PLEKHM3: variants seen among roughly 807,000 people sequenced by gnomAD.
PLEKHM3 encodes the protein pleckstrin homology domain-containing family M member 3.
In PLEKHM3, 45 loss-of-function variants were observed where a neutral mutation model predicts 81.8. That is an observed-to-expected ratio of 0.55 (90% CI 0.43 to 0.71). PLEKHM3 has a LOEUF of 0.71. Ranked by LOEUF, PLEKHM3 falls within the 30% of genes least tolerant of loss-of-function variation. The pLI is 0.00. For missense variants in PLEKHM3, 788 were observed against 924.3 expected (o/e 0.85, Z 1.91); for synonymous variants, 352 against 356.4 (o/e 0.99, Z 0.14).
intron 6 of PLEKHM3, among the ~76,000 whole-genome samples, chr2:207,874,297 G>T (rs547837089): frequency 1.3e-5 from 2 of 152,080 alleles, no homozygotes; most frequent in African/African-American, 2.4e-5. Flanking sequence ...TTTTCAGGCC[G>T]GGCATGGTGG....
At chr2:207,927,312 T>G (rs1675135949) in intron 5 of PLEKHM3, among the ~76,000 whole-genome samples, 1 of 152,114 alleles carries the variant, frequency 6.6e-6, no homozygotes, top group Non-Finnish European at 1.5e-5. Context: ...TTTTAAGAAG[T>G]CAGATTCAGC....
intron 2 of PLEKHM3, among the ~76,000 whole-genome samples, chr2:207,988,897 G>A (rs1447100960): frequency 6.6e-6 from 1 of 152,092 alleles, no homozygotes; most frequent in Admixed American, 6.5e-5. Context: ...CTAGCTCCGA[G>A]GCCTCTGAGT....
At chr2:207,907,526 A>C (rs528197364) in intron 6 of PLEKHM3, among the ~76,000 whole-genome samples, 1 of 152,070 alleles carries the variant, frequency 6.6e-6, no homozygotes, top group Non-Finnish European at 1.5e-5. Context: ...AAAAAAAAGT[A>C]CATGTTCTAA....
intron 3 of PLEKHM3, among the ~76,000 whole-genome samples, chr2:207,960,160 A>C (rs1158651358): frequency 6.6e-6 from 1 of 152,174 alleles, no homozygotes; most frequent in Non-Finnish European, 1.5e-5. Context: ...TTCTCTCCCC[A>C]TCCCTTATCC....
chr2:207,909,121 A>G (rs1222509751), intron 5 of PLEKHM3, among the ~76,000 whole-genome samples: 2 of 152,222 alleles, frequency 1.3e-5, no homozygotes, highest in African/African-American at 4.8e-5. Context: ...TTAATGAACT[A>G]TCCTCTCATA....
At chr2:208,019,126 C>T (rs1041362384) in intron 1 of PLEKHM3, among the ~76,000 whole-genome samples, 1 of 140,178 alleles carries the variant, frequency 7.1e-6, no homozygotes, top group Non-Finnish European at 1.6e-5. Flanking sequence ...ATAGTGAGAC[C>T]CCCATCTCTA....
intron 2 of PLEKHM3, among the ~76,000 whole-genome samples, chr2:207,986,626 T>C (rs1691729311): frequency 6.6e-6 from 1 of 152,038 alleles, no homozygotes; most frequent in African/African-American, 2.4e-5. Context: ...TACAATTTGA[T>C]TGTGGTAAAT....
intron 3 of PLEKHM3, among the ~76,000 whole-genome samples, chr2:207,961,753 C>T (rs963580198): frequency 3.3e-5 from 5 of 152,246 alleles, no homozygotes; most frequent in Non-Finnish European, 5.9e-5. Context: ...GTCAGTTTCT[C>T]GTCTGCTTGG....
intron 4 of PLEKHM3, among the ~76,000 whole-genome samples, chr2:207,931,362 T>C (rs1429546941): frequency 1.3e-5 from 2 of 152,226 alleles, no homozygotes; most frequent in Non-Finnish European, 2.9e-5. Flanking sequence ...TACAGGAACC[T>C]ACACATGTGA....
intron 5 of PLEKHM3, among the ~76,000 whole-genome samples, chr2:207,922,530 T>C (rs1239779677): frequency 6.6e-6 from 1 of 151,990 alleles, no homozygotes; most frequent in South Asian, 2.1e-4. Flanking sequence ...ATCCAAGCCC[T>C]GGCCAGGCGC....
intron 7 of PLEKHM3, among the ~76,000 whole-genome samples, chr2:207,844,469 A>T (rs1575274092): frequency 7.2e-6 from 1 of 138,382 alleles, no homozygotes; most frequent in Admixed American, 7.2e-5. Flanking sequence ...CGCCCGGAGA[A>T]TTTTTTTTTT....
chr2:207,887,699 A>G (rs2718653), intron 6 of PLEKHM3, among the ~76,000 whole-genome samples: 103,265 of 152,100 alleles, frequency 0.68, 36,809 homozygotes, highest in African/African-American at 0.89. Flanking sequence ...TCCTGAACAA[A>G]AAAGACATAT....
chr2:207,984,270 T>G (rs1044125714), intron 2 of PLEKHM3, among the ~76,000 whole-genome samples: 1 of 152,260 alleles, frequency 6.6e-6, no homozygotes, highest in African/African-American at 2.4e-5. Flanking sequence ...CTTCAGGGTA[T>G]ATTTCTAGTC....
chr2:207,981,804 AT>A, intron 2 of PLEKHM3, among the ~76,000 whole-genome samples: 1 of 152,232 alleles, frequency 6.6e-6, no homozygotes, highest in East Asian at 1.9e-4. Flanking sequence ...AAAGTATTCA[AT>A]TTCATAAATA....
intron 6 of PLEKHM3, among the ~76,000 whole-genome samples, chr2:207,874,002 AT>A (rs2092547697): frequency 1.3e-5 from 2 of 152,060 alleles, no homozygotes; most frequent in Non-Finnish European, 2.9e-5. Flanking sequence ...ATGGTTGGGG[AT>A]TTTTACTCTT....
chr2:207,956,939 C>T (rs1466015263), intron 3 of PLEKHM3, among the ~76,000 whole-genome samples: 1 of 151,874 alleles, frequency 6.6e-6, no homozygotes, highest in Non-Finnish European at 1.5e-5. Flanking sequence ...TGATAAGTTA[C>T]TGCACCAGTT....
chr2:207,931,219 A>C, intron 4 of PLEKHM3, 100 bp from the exon 5 acceptor site: 2 of 1,133,312 alleles, frequency 1.8e-6, no homozygotes, highest in Non-Finnish European at 2.5e-6. Flanking sequence ...GAACACGATT[A>C]TTTTCTCAAT....
chr2:207,867,497 A>C (rs2092507692), intron 6 of PLEKHM3, among the ~76,000 whole-genome samples: 1 of 152,130 alleles, frequency 6.6e-6, no homozygotes, highest in South Asian at 2.1e-4. Context: ...CTTGTCTTTG[A>C]ATACAACTAT....
intron 7 of PLEKHM3, among the ~76,000 whole-genome samples, chr2:207,854,369 C>T (rs2092427871): frequency 6.6e-6 from 1 of 152,114 alleles, no homozygotes; most frequent in African/African-American, 2.4e-5. Flanking sequence ...TCCCCCTACC[C>T]CATCATCAGA....
Sources: allele counts gnomAD v4.1 joint callset (sites outside exome capture counted in the v4.1 genomes callset), GRCh38; gene constraint gnomAD v4.1.1; transcripts MANE v1.5; gene names NCBI Gene and HGNC (gene_info 2026-07-23, HGNC 2026-07-21).